DNAH6: variants seen among roughly 807,000 people sequenced by gnomAD.
DNAH6 encodes dynein axonemal heavy chain 6, also known as axonemal beta dynein heavy chain 6.
DNAH6 carries 340 observed loss-of-function variants against 491.4 expected under a neutral mutation model. The observed-to-expected ratio is 0.69, with a 90% CI of 0.63 to 0.76. The LOEUF (loss-of-function observed/expected upper bound fraction) is 0.76, where lower values mean the gene tolerates loss of function less well. DNAH6 is among the 30% of genes least tolerant of loss of function. DNAH6 has a pLI of 0.00. For missense variants in DNAH6, 4,443 were observed against 4,972.2 expected (o/e 0.89, Z 3.20); for synonymous variants, 1,603 against 1,686.1 (o/e 0.95, Z 1.21).
At chr2:84,664,350 A>G (rs538380302) in intron 37 of DNAH6, among the ~76,000 whole-genome samples, 29 of 152,120 alleles carry the variant, frequency 1.9e-4, no homozygotes, top group Non-Finnish European at 3.8e-4. Flanking sequence ...TATTCAGGAG[A>G]CCCATCTCAC....
intron 22 of DNAH6, among the ~76,000 whole-genome samples, chr2:84,614,349 G>C (rs1179341601): frequency 6.6e-6 from 1 of 152,040 alleles, no homozygotes; most frequent in African/African-American, 2.4e-5. Context: ...TCAGGTTGCT[G>C]CAAATGCCAT....
At chr2:84,632,950 T>C (rs1688538930) in intron 29 of DNAH6, among the ~76,000 whole-genome samples, 1 of 152,228 alleles carries the variant, frequency 6.6e-6, no homozygotes, top group African/African-American at 2.4e-5. Context: ...CTTCACCTAT[T>C]GGTTCATAAG....
In DNAH6 at chr2:84,795,463, T is replaced by C. The variant is rs147103388; in HGVS notation, c.11240-843T>C. ...TTCATATGATTAATAAATTGGAAAA[T>C]AAACTAATTATAAAACAAAACAAAA... On this transcript the variant is annotated intron_variant, in intron 68 of 76. Coordinates refer to ENST00000389394, the MANE Select transcript of DNAH6 (RefSeq NM_001370.2). Among the ~76,000 whole-genome samples, 789 of 151,428 alleles carry C rather than the reference T, an allele frequency of 5.2e-3. 8 individuals carry two copies. Among genetic ancestry groups the C allele is most frequent in the African/African-American group, 0.018 (749 of 40,996 alleles).
chr2:84,651,972 C>A (rs1690494061), intron 33 of DNAH6, among the ~76,000 whole-genome samples: 1 of 150,512 alleles, frequency 6.6e-6, no homozygotes, highest in Non-Finnish European at 1.5e-5. Flanking sequence ...TTTACTGCTG[C>A]TAGATTGCTA....
rs1399219165 is a variant in DNAH6 at position 84,781,552 on chromosome 2, A to C, written c.10763A>C (p.Asp3588Ala). Residue 3588 changes from aspartate to alanine, a missense_variant, in exon 65 of 77, where the codon GAT (aspartate) becomes GCT (alanine). Transcript: ENST00000389394. Reference protein sequence around the residue: ...QGPIAEKMVKDAMKSGNWVFL... With the variant: ...QGPIAEKMVKAAMKSGNWVFL... ...CCTATTGCTGAAAAAATGGTCAAGG[A>C]TGCAATGAAATCAGGAAACTGGGTA... is the stretch of plus-strand genomic sequence containing the variant. 8 of 1,551,690 alleles carry C rather than the reference A, an allele frequency of 5.2e-6. No homozygotes were observed. The highest frequency in any genetic ancestry group is 7.0e-6 in the Non-Finnish European group (8 of 1,146,930).
chr2:84,554,231 G>T (rs1679800769), intron 10 of DNAH6, among the ~76,000 whole-genome samples: 1 of 152,102 alleles, frequency 6.6e-6, no homozygotes, highest in Non-Finnish European at 1.5e-5. Context: ...AATCACTTTT[G>T]ACTAACTCGA....
intron 72 of DNAH6, among the ~76,000 whole-genome samples, chr2:84,809,364 T>A (rs1471297330): frequency 6.6e-6 from 1 of 152,204 alleles, no homozygotes; most frequent in Non-Finnish European, 1.5e-5. Context: ...TTCTGTTCCC[T>A]ATCAGAAAGG....
chr2:84,680,889 G>A (rs75286773), intron 41 of DNAH6, among the ~76,000 whole-genome samples: 2,040 of 152,228 alleles, frequency 0.013, 24 homozygotes, highest in Non-Finnish European at 0.018. Flanking sequence ...GCTTAGGAGG[G>A]AATGGCCAGC....
chr2:84,769,149 C>T (rs1675371864), intron 64 of DNAH6, among the ~76,000 whole-genome samples: 1 of 152,190 alleles, frequency 6.6e-6, no homozygotes, highest in Non-Finnish European at 1.5e-5. Context: ...AGCTGCTGAC[C>T]CTGTAAGGGA....
chr2:84,507,701 T>G, the DNAH6 span, among the ~76,000 whole-genome samples: 8 of 152,048 alleles, frequency 5.3e-5, no homozygotes, highest in African/African-American at 9.7e-5. Context: ...TTGGCTGTGG[T>G]TTTGTCATAG....
At position 84,685,331 on chromosome 2, in the gene DNAH6, C is replaced by A. The variant is rs772455342; in HGVS notation, c.6922C>A (p.Leu2308Ile). The A allele has an allele frequency of 4.0e-6, 6 of 1,482,656 alleles. No individual in the cohort carries two copies. The South Asian group carries it at 8.5e-5, about 21-fold the overall frequency. The allele number at this position is 1,482,656 out of a possible 1,614,324, so 91.8% of individuals were successfully genotyped here. The change falls in exon 43 of 77, where the codon CTC becomes ATC. Residue 2308 changes from leucine to isoleucine, a missense_variant. Coordinates refer to ENST00000389394, the MANE Select transcript of DNAH6 (RefSeq NM_001370.2). Reference sequence around the variant, plus strand: ...TTCCTTTTCTTAAAAAACAGGTATCCTCCAATGTGATCCAGGAACAATAAG... The same window carrying A: ...TTCCTTTTCTTAAAAAACAGGTATCATCCAATGTGATCCAGGAACAATAAG... Reference protein sequence around the residue: ...RDLSKCVQGILQCDPGTIREE... With the variant: ...RDLSKCVQGIIQCDPGTIREE...
chr2:84,637,124 CAT>C (rs1688957951), intron 30 of DNAH6, 84 bp from the exon 31 acceptor site: 2 of 1,184,270 alleles, frequency 1.7e-6, no homozygotes, highest in South Asian at 3.4e-5. Context: ...TGCTTCATTA[CAT>C]GAGTCTTGTA....
intron 70 of DNAH6, among the ~76,000 whole-genome samples, chr2:84,804,980 A>ATT (rs113529135): frequency 6.9e-6 from 1 of 145,546 alleles, no homozygotes; most frequent in African/African-American, 2.5e-5. Flanking sequence ...CACCCAGCTA[A>ATT]TTTTTTTTTT....
At position 84,547,550 on chromosome 2, in the gene DNAH6, G is replaced by C. The variant is rs2104539473; in HGVS notation, c.1124G>C (p.Cys375Ser). The part of the protein sequence containing the change: ...NEAKYVVRRA[C>S]RFALRAAGFV... ...GCAAAATATGTAGTCAGGAGGGCTT[G>C]TCGATTTGCTTTGCGTGCTGCAGGA... Residue 375 changes from cysteine (C) to serine (S), a missense_variant, in exon 7 of 77, where the codon TGT becomes TCT. Cys to Ser is a moderately radical substitution (Grantham distance 112, BLOSUM62 -1). Coordinates refer to ENST00000389394, the MANE Select transcript of DNAH6 (RefSeq NM_001370.2). 6.4e-7 allele frequency: 1 copy of C among 1,551,834 alleles called. No individual in the cohort carries two copies.
chr2:84,747,531 C>T (rs759508780), intron 63 of DNAH6, among the ~76,000 whole-genome samples: 4 of 152,162 alleles, frequency 2.6e-5, no homozygotes, highest in Non-Finnish European at 4.4e-5. Context: ...GTCCCCATGG[C>T]CTTTTGGGGA....
intron 47 of DNAH6, 120 bp from the exon 48 acceptor site, chr2:84,699,474 T>C: frequency 3.6e-6 from 3 of 840,402 alleles, no homozygotes; most frequent in African/African-American, 1.7e-5. Flanking sequence ...AAAATTTACA[T>C]ATCTACTATG....
chr2:84,605,339 T>G (rs1685655767), intron 19 of DNAH6, among the ~76,000 whole-genome samples, 161 bp from the exon 20 acceptor site: 1 of 122,752 alleles, frequency 8.1e-6, no homozygotes, highest in African/African-American at 3.5e-5. Flanking sequence ...GGTGACAGAG[T>G]GAGACTCTAT....
intron 47 of DNAH6, among the ~76,000 whole-genome samples, chr2:84,698,851 C>T (rs1415920122): frequency 6.6e-6 from 1 of 152,144 alleles, no homozygotes; most frequent in African/African-American, 2.4e-5. Context: ...GAATACTACA[C>T]AGCCATTAAA....
At chr2:84,638,838 T>C (rs1689116326) in intron 31 of DNAH6, among the ~76,000 whole-genome samples, 1 of 152,118 alleles carries the variant, frequency 6.6e-6, no homozygotes, top group African/African-American at 2.4e-5. Flanking sequence ...GAGCTTTTAC[T>C]CATGGTGGAA....
Sources: allele counts gnomAD v4.1 joint callset (sites outside exome capture counted in the v4.1 genomes callset), GRCh38; gene constraint gnomAD v4.1.1; transcripts MANE v1.5; gene names NCBI Gene and HGNC (gene_info 2026-07-23, HGNC 2026-07-21).